The following BBS9 variants were observed in gnomAD, a reference collection of about 807,000 sequenced individuals.
The protein encoded by BBS9 is protein PTHB1.
Under a neutral mutation model 117.7 loss-of-function variants are expected in BBS9, and 89 were observed. That is an observed-to-expected ratio of 0.76 (90% CI 0.64 to 0.90). The LOEUF (loss-of-function observed/expected upper bound fraction) is 0.90, where lower values mean the gene tolerates loss of function less well. Among genes scored for constraint, BBS9 ranks in the 40% least tolerant of loss-of-function variants. The pLI, the probability that BBS9 is intolerant of heterozygous loss-of-function variation, is 0.00. For synonymous variants in BBS9, 379 were observed against 370.9 expected (o/e 1.02, Z -0.25); for missense variants, 982 against 1,042.2 (o/e 0.94, Z 0.80).
At chr7:33,352,929 T>C in intron 15 of BBS9, 56 bp downstream of exon 15, 1 of 1,546,690 alleles carries the variant, frequency 6.5e-7, no homozygotes, top group Non-Finnish European at 8.9e-7. Flanking sequence ...ATTTGATGAA[T>C]TGAATTGGTA....
At position 33,174,829 on chromosome 7, in the gene BBS9, T is replaced by C. The variant is rs139584265; in HGVS notation, c.329-2649T>C. On this transcript the variant is annotated intron_variant, in intron 4 of 22. Coordinates refer to ENST00000242067, the MANE Select transcript of BBS9 (RefSeq NM_198428.3). ...GGTTTCTTGGAGGCTAGAACTCTCT[T>C]CAGGTTAATACCGTATGTGTTTCCC... Among the ~76,000 whole-genome samples, 718 of 152,322 alleles carry C rather than the reference T, an allele frequency of 4.7e-3. 9 individuals carry two copies. Among genetic ancestry groups the C allele is most frequent in the African/African-American group, 0.017 (693 of 41,566 alleles).
At chr7:33,152,062 A>G (rs1793424296) in intron 2 of BBS9, among the ~76,000 whole-genome samples, 1 of 152,086 alleles carries the variant, frequency 6.6e-6, no homozygotes, top group African/African-American at 2.4e-5. Flanking sequence ...CTGTCCTCTT[A>G]AAGGACACTA....
chr7:33,537,401 T>C (rs73107697), intron 21 of BBS9, among the ~76,000 whole-genome samples: 18,413 of 152,222 alleles, frequency 0.12, 1,190 homozygotes, highest in African/African-American at 0.16. Flanking sequence ...TGCTTGACTT[T>C]TACCAATTCT....
downstream of BBS9, among the ~76,000 whole-genome samples, chr7:33,606,790 A>G (rs1227308527): frequency 6.6e-6 from 1 of 152,092 alleles, no homozygotes; most frequent in Non-Finnish European, 1.5e-5. Flanking sequence ...TCTTGGAATA[A>G]GTGGACAAGG....
At chr7:33,538,813 C>A (rs1044402449) in intron 21 of BBS9, among the ~76,000 whole-genome samples, 1 of 150,230 alleles carries the variant, frequency 6.7e-6, no homozygotes, top group Non-Finnish European at 1.5e-5. Context: ...TGGGAAAATG[C>A]TATTGTGAAG....
chr7:33,369,191 G>A (rs767606647), intron 17 of BBS9, among the ~76,000 whole-genome samples: 3 of 151,938 alleles, frequency 2.0e-5, no homozygotes, highest in Non-Finnish European at 2.9e-5. Flanking sequence ...ATTTCTCTTA[G>A]TTTAACAGTT....
chr7:33,222,938 G>A (rs6947352), intron 5 of BBS9, among the ~76,000 whole-genome samples: 39,844 of 148,998 alleles, frequency 0.27, 5,990 homozygotes, highest in Admixed American at 0.41. Flanking sequence ...GGGCAACAGA[G>A]CAAGACCCTG....
chr7:33,342,087 G>T (rs988238486), intron 11 of BBS9, among the ~76,000 whole-genome samples: 15 of 152,008 alleles, frequency 9.9e-5, no homozygotes, highest in African/African-American at 3.1e-4. Context: ...TTAGGTATCA[G>T]AACATACTTT....
intron 20 of BBS9, among the ~76,000 whole-genome samples, chr7:33,506,219 A>T (rs549580515): frequency 1.5e-4 from 23 of 152,250 alleles, no homozygotes; most frequent in Admixed American, 2.0e-4. Context: ...GGATTATTTA[A>T]CTTAAAACCT....
chr7:33,146,159 G>A (rs1174042405), intron 1 of BBS9, 83 bp from the exon 2 acceptor site: 1 of 944,568 alleles, frequency 1.1e-6, no homozygotes, highest in Non-Finnish European at 1.7e-6. Flanking sequence ...TCTCAGATCT[G>A]TCCAAGTTTA....
intron 4 of BBS9, among the ~76,000 whole-genome samples, chr7:33,165,590 A>T (rs180918201): frequency 2.0e-4 from 31 of 151,916 alleles, no homozygotes; most frequent in African/African-American, 7.0e-4. Context: ...TTGATTTTCA[A>T]TCAACGATAG....
At chr7:33,485,071 C>T (rs546983957) in intron 19 of BBS9, among the ~76,000 whole-genome samples, 2 of 152,266 alleles carry the variant, frequency 1.3e-5, no homozygotes, top group Admixed American at 1.3e-4. Context: ...CATGTTCTCA[C>T]TTATAAGTGG....
At chr7:33,491,204 AC>A (rs756257723) in intron 19 of BBS9, among the ~76,000 whole-genome samples, 12 of 152,330 alleles carry the variant, frequency 7.9e-5, no homozygotes, top group Non-Finnish European at 1.3e-4. Flanking sequence ...ATAACTCCAA[AC>A]AAAATACCAC....
At chr7:33,527,188 C>T (rs1248646689) in intron 20 of BBS9, among the ~76,000 whole-genome samples, 1 of 152,186 alleles carries the variant, frequency 6.6e-6, no homozygotes, top group Non-Finnish European at 1.5e-5. Context: ...GCAGAGGTTA[C>T]TGCTGTCTTT....
Position 33,159,731 on chromosome 7 carries a change from C to G in BBS9, c.328+4029C>G, listed in dbSNP as rs77319982. Among the ~76,000 whole-genome samples, 659 of 152,298 alleles carry G rather than the reference C, an allele frequency of 4.3e-3. 14 individuals carry two copies. The East Asian group carries it at 0.053, about 12-fold the overall frequency. The stretch of plus-strand genomic sequence containing the variant: ...TCATGGTCACACATCTTTTTAAGCT[C>G]TTGTCCTTCTAGTTGAAGAGAGATC... On this transcript the variant is annotated intron_variant, in intron 4 of 22. Coordinates refer to ENST00000242067, the MANE Select transcript of BBS9 (RefSeq NM_198428.3).
chr7:33,331,341 T>G (rs1208191074), intron 9 of BBS9, among the ~76,000 whole-genome samples: 1 of 152,186 alleles, frequency 6.6e-6, no homozygotes, highest in African/African-American at 2.4e-5. Flanking sequence ...TTGAAATCAT[T>G]TCCCTTGAGA....
chr7:33,566,206 A>G (rs990286055), intron 21 of BBS9, among the ~76,000 whole-genome samples: 4 of 151,840 alleles, frequency 2.6e-5, no homozygotes, highest in South Asian at 2.1e-4. Flanking sequence ...AGATATTGGC[A>G]TAATGTTAGG....
chr7:33,314,289 G>A (rs747896424), intron 9 of BBS9: 23 of 407,300 alleles, frequency 5.6e-5, no homozygotes, highest in African/African-American at 1.5e-4. Flanking sequence ...TTGTTGCCTC[G>A]ATCTTCCACT....
intron 9 of BBS9, among the ~76,000 whole-genome samples, chr7:33,313,312 G>A (rs1021483492): frequency 6.6e-6 from 1 of 151,998 alleles, no homozygotes; most frequent in East Asian, 1.9e-4. Flanking sequence ...AGCCTCTAGC[G>A]TGGTGCCTGA....
Sources: gnomAD v4.1 joint callset for allele counts (sites outside exome capture counted in the v4.1 genomes callset) on GRCh38, gnomAD v4.1.1 for gene constraint, MANE v1.5 for transcripts, NCBI Gene and HGNC (gene_info 2026-07-23, HGNC 2026-07-21) for gene names.